Variants in FRMD4A observed in about 807,000 individuals in gnomAD.
FRMD4A encodes the protein FERM domain containing 4A.
A neutral mutation model predicts 129.1 loss-of-function variants in FRMD4A; 29 were observed. That is an observed-to-expected ratio of 0.22 (90% CI 0.17 to 0.31). The LOEUF is 0.31. FRMD4A is among the 10% of genes least tolerant of loss of function. The pLI, the probability that FRMD4A is intolerant of heterozygous loss-of-function variation, is 1.00. For synonymous variants in FRMD4A, 634 were observed against 571.6 expected (o/e 1.11, Z -1.56); for missense variants, 1,272 against 1,375.8 (o/e 0.92, Z 1.19).
At chr10:14,068,691 CAT>C (rs1452862594) in intron 2 of FRMD4A, among the ~76,000 whole-genome samples, 11 of 152,304 alleles carry the variant, frequency 7.2e-5, no homozygotes, top group African/African-American at 2.4e-4. Context: ...AGTTCCCACA[CAT>C]ATGTCATCAT....
chr10:14,252,520 A>G (rs977261848), intron 2 of FRMD4A, among the ~76,000 whole-genome samples: 73 of 152,306 alleles, frequency 4.8e-4, no homozygotes, highest in African/African-American at 1.7e-3. Flanking sequence ...ATATGCCTCA[A>G]TTTGGGGTTG....
intron 13 of FRMD4A, among the ~76,000 whole-genome samples, chr10:13,702,762 C>T (rs1478746372): frequency 1.3e-5 from 2 of 151,838 alleles, no homozygotes; most frequent in Admixed American, 1.3e-4. Flanking sequence ...AAGCTGCCAG[C>T]AATATCTTAC....
At chr10:14,264,786 C>T (rs1435122861) in intron 2 of FRMD4A, among the ~76,000 whole-genome samples, 2 of 151,902 alleles carry the variant, frequency 1.3e-5, no homozygotes, top group East Asian at 1.9e-4. Flanking sequence ...GGAAAAGAAA[C>T]ACTTTTTTTT....
intron 2 of FRMD4A, among the ~76,000 whole-genome samples, chr10:14,275,688 T>G (rs1845314539): frequency 6.6e-6 from 1 of 152,220 alleles, no homozygotes; most frequent in South Asian, 2.1e-4. Flanking sequence ...CATCTCTGAA[T>G]TTAGGTAAAG....
chr10:13,867,561 C>T (rs2094383085), intron 2 of FRMD4A, among the ~76,000 whole-genome samples: 1 of 141,998 alleles, frequency 7.0e-6, no homozygotes, highest in Non-Finnish European at 1.5e-5. Flanking sequence ...ACTTTCAGCC[C>T]ATATAGATAT....
At chr10:14,084,573 T>C (rs1836143618) in intron 2 of FRMD4A, among the ~76,000 whole-genome samples, 1 of 152,184 alleles carries the variant, frequency 6.6e-6, no homozygotes, top group African/African-American at 2.4e-5. Flanking sequence ...GTTAGCTAAT[T>C]CCTAGAGATC....
At chr10:14,093,588 T>A (rs1269294850) in intron 2 of FRMD4A, among the ~76,000 whole-genome samples, 1 of 152,138 alleles carries the variant, frequency 6.6e-6, no homozygotes, top group African/African-American at 2.4e-5. Context: ...ACGGGATGAG[T>A]GGGACCTGCT....
chr10:14,219,025 A>T (rs75175206), intron 2 of FRMD4A, among the ~76,000 whole-genome samples: 1,701 of 145,142 alleles, frequency 0.012, 9 homozygotes, highest in Non-Finnish European at 0.018. Context: ...CTTGGTAATC[A>T]TAGTAAGAAG....
At chr10:14,266,499 CTGTG>C (rs56663050) in intron 2 of FRMD4A, among the ~76,000 whole-genome samples, 25,213 of 150,166 alleles carry the variant, frequency 0.17, 2,165 homozygotes, top group Middle Eastern at 0.19. Context: ...ATGTTGTGCT[CTGTG>C]TGTGTGTGTG....
chr10:14,293,976 T>G (rs1041417239), intron 2 of FRMD4A, among the ~76,000 whole-genome samples: 3 of 152,200 alleles, frequency 2.0e-5, no homozygotes, highest in Admixed American at 6.5e-5. Flanking sequence ...TCCAGTTATA[T>G]AGAGTTAGGC....
At chr10:13,765,123 T>TTG (rs2092239322) in intron 6 of FRMD4A, among the ~76,000 whole-genome samples, 1 of 148,780 alleles carries the variant, frequency 6.7e-6, no homozygotes, top group Non-Finnish European at 1.5e-5. Context: ...TGTTTTTTTT[T>TTG]TTTTTTTTGA....
At chr10:13,690,988 T>TTC (rs1554845119) in intron 15 of FRMD4A, among the ~76,000 whole-genome samples, 2 of 151,874 alleles carry the variant, frequency 1.3e-5, no homozygotes, top group Non-Finnish European at 2.9e-5. Context: ...TGGATTTCAT[T>TTC]TGTGTGTGTG....
chr10:13,858,659 C>T lies in FRMD4A; in HGVS notation c.111+188G>A, dbSNP rs2094247587. Among the ~76,000 whole-genome samples, 3 of 152,182 alleles carry T rather than the reference C, an allele frequency of 2.0e-5. No homozygotes were observed. The South Asian group carries it at 6.2e-4, about 31-fold the overall frequency. ...TACATCTGGCCTTGGATGCCTTAGG[C>T]TGGTGTACAGATACAACCAAAATAG... On this transcript the variant is annotated intron_variant, in intron 3 of 24. Transcript: ENST00000357447.
chr10:14,327,685 A>G (rs1292614872), intron 2 of FRMD4A, among the ~76,000 whole-genome samples: 1 of 152,232 alleles, frequency 6.6e-6, no homozygotes. Context: ...GTGTGGCCAG[A>G]TCATCTCCCC....
intron 2 of FRMD4A, among the ~76,000 whole-genome samples, chr10:14,283,699 A>G (rs2132064384): frequency 6.6e-6 from 1 of 152,198 alleles, no homozygotes; most frequent in East Asian, 1.9e-4. Context: ...GTTTGTTTAT[A>G]ATATGTGTCA....
chr10:13,868,459 G>C (rs2094401035), intron 2 of FRMD4A, among the ~76,000 whole-genome samples: 1 of 151,996 alleles, frequency 6.6e-6, no homozygotes, highest in South Asian at 2.1e-4. Flanking sequence ...ATGACCTCTG[G>C]CAAACGATTC....
In FRMD4A at chr10:13,659,332, T is replaced by G. The variant is rs560390559; in HGVS notation, c.2057A>C (p.His686Pro). Residue 686 changes from histidine to proline, a missense_variant, in exon 21 of 25, where the codon CAT becomes CCT. By Grantham distance (77) the His-to-Pro change is moderately conservative (BLOSUM62 -2). Transcript: ENST00000357447. ...DLRVRSPHYV[H>P]STRSVDISPT... is the part of the protein sequence containing the mutation. ...GGCCAGGCAGACTCACCTCGTGGAA[T>G]GGACGTAGTGGGGACTCCGGACCCG... 3.1e-6 allele frequency: 5 copies of G among 1,614,046 alleles called. No individual in the cohort carries two copies. The highest frequency in any genetic ancestry group is 4.2e-6 in the Non-Finnish European group (5 of 1,179,856).
chr10:14,169,941 G>C (rs1841388908), intron 2 of FRMD4A, among the ~76,000 whole-genome samples: 1 of 152,158 alleles, frequency 6.6e-6, no homozygotes, highest in Non-Finnish European at 1.5e-5. Flanking sequence ...GGTTCACAGA[G>C]TTCTTTACAT....
At chr10:13,793,731 T>A (rs2093053592) in intron 5 of FRMD4A, among the ~76,000 whole-genome samples, 2 of 152,082 alleles carry the variant, frequency 1.3e-5, no homozygotes, top group African/African-American at 4.8e-5. Flanking sequence ...CTATTTCAAG[T>A]TCTGGGCTTT....
Sources: allele counts gnomAD v4.1 joint callset (sites outside exome capture counted in the v4.1 genomes callset), GRCh38; gene constraint gnomAD v4.1.1; transcripts MANE v1.5; gene names NCBI Gene and HGNC (gene_info 2026-07-23, HGNC 2026-07-21).